Variants in NOP58 observed in about 807,000 individuals in gnomAD.
NOP58 encodes NOP58 ribonucleoprotein.
Under a neutral mutation model 71.2 loss-of-function variants are expected in NOP58, and 44 were observed. The observed-to-expected ratio is 0.62, with a 90% CI of 0.49 to 0.79. The LOEUF (loss-of-function observed/expected upper bound fraction) is 0.79, where lower values mean the gene tolerates loss of function less well. Ranked by LOEUF, NOP58 falls within the 30% of genes least tolerant of loss-of-function variation. The probability of loss-of-function intolerance (pLI) is 0.00; values close to 1 mark genes in which losing one functional copy is unlikely to be tolerated. For synonymous variants in NOP58, 228 were observed against 200.3 expected, an observed-to-expected ratio of 1.14 and a Z score of -1.17; for missense variants, 538 against 620.2, an observed-to-expected ratio of 0.87 and a Z score of 1.41.
chr2:202,295,626 C>T (rs764843491), intron 9 of NOP58, 48 bp from the exon 10 acceptor site: 2 of 1,377,896 alleles, frequency 1.5e-6, no homozygotes, highest in South Asian at 1.6e-5. Context: ...GTACGTGGAA[C>T]ATTCATATAT....
intron 10 of NOP58, 72 bp downstream of exon 10, chr2:202,295,909 T>C: frequency 8.5e-7 from 1 of 1,182,408 alleles, no homozygotes; most frequent in Non-Finnish European, 1.2e-6. Flanking sequence ...TTTCTTCTAC[T>C]CTGTAGTACA....
At chr2:202,299,607 AT>A (rs1435781489) in intron 12 of NOP58, among the ~76,000 whole-genome samples, 10 of 152,058 alleles carry the variant, frequency 6.6e-5, no homozygotes, top group Non-Finnish European at 4.4e-5. Flanking sequence ...TTTTGAACCA[AT>A]TTTTTTAATG....
At chr2:202,270,321 G>C (rs962868689) in intron 1 of NOP58, among the ~76,000 whole-genome samples, 1 of 152,172 alleles carries the variant, frequency 6.6e-6, no homozygotes, top group Non-Finnish European at 1.5e-5. Context: ...GAAGCTAACC[G>C]AAGAGCTTTT....
chr2:202,278,085 T>C (rs1329981580), intron 3 of NOP58, 83 bp downstream of exon 3: 1 of 856,606 alleles, frequency 1.2e-6, no homozygotes, highest in East Asian at 2.4e-5. Flanking sequence ...GGTTGTTTGC[T>C]TCAGTTGCCT....
Position 202,302,968 on chromosome 2 carries a change from G to A in NOP58, c.1450G>A (p.Val484Met), listed in dbSNP as rs765822521. The change falls in exon 14 of 15, where the codon GTG (valine) becomes ATG (methionine). Residue 484 changes from valine (V) to methionine (M), a missense_variant. By Grantham distance (21) the Val-to-Met change is conservative. Coordinates refer to ENST00000264279, the MANE Select transcript of NOP58 (RefSeq NM_015934.5). Reference protein sequence around the residue: ...EKVAEEEETSVKKKKKRGKKK... With the variant: ...EKVAEEEETSMKKKKKRGKKK... ...AGTGGCAGAAGAAGAAGAAACATCT[G>A]TGAAGAAGAAGAAGAAAAGGGGTAA... 2 of 1,609,582 alleles carry A rather than the reference G, an allele frequency of 1.2e-6. No individual in the cohort carries two copies. The highest frequency in any genetic ancestry group is 3.3e-5 in the Admixed American group (2 of 59,996).
intron 3 of NOP58, chr2:202,278,311 T>C: frequency 2.0e-6 from 1 of 510,460 alleles, no homozygotes; most frequent in East Asian, 5.6e-5. Flanking sequence ...CAGTAAAAGG[T>C]GTTCTACAAG....
intron 2 of NOP58, chr2:202,276,458 T>C (rs769736996): frequency 1.9e-6 from 1 of 515,224 alleles, no homozygotes. Context: ...TGTATTCTTC[T>C]TGGAACTGAA....
At chr2:202,297,756 G>C (rs1392021246) in intron 11 of NOP58, 89 bp from the exon 12 acceptor site, 1 of 841,480 alleles carries the variant, frequency 1.2e-6, no homozygotes, top group East Asian at 2.7e-5. Flanking sequence ...ATTGCTGTTT[G>C]CTGGCCCACT....
At chr2:202,275,571 T>G (rs1156723096) in intron 2 of NOP58, 1 of 158,288 alleles carries the variant, frequency 6.3e-6, no homozygotes, top group Non-Finnish European at 1.4e-5. Context: ...TGTAACCTGC[T>G]TTTTGAGTTT....
rs377762537 is a variant in NOP58, at chr2:202,265,916, G to C, written c.-26G>C. 1.2e-6 allele frequency: 2 copies of C among 1,613,926 alleles called. No homozygotes were observed. Among genetic ancestry groups the C allele is most frequent in the Non-Finnish European group, 1.7e-6 (2 of 1,179,952 alleles). On this transcript the variant is annotated 5_prime_UTR_variant, in exon 1 of 15. Coordinates refer to ENST00000264279, the MANE Select transcript of NOP58 (RefSeq NM_015934.5). ...CTGACTCTACAGCTTCTGGCAGGCCGTGCGGCGCCCTGACCCGGCCTCACC... is the reference window on the plus strand; with the variant it reads ...CTGACTCTACAGCTTCTGGCAGGCCCTGCGGCGCCCTGACCCGGCCTCACC...
intron 6 of NOP58, among the ~76,000 whole-genome samples, chr2:202,288,511 C>A (rs913516441): frequency 6.7e-6 from 1 of 149,894 alleles, no homozygotes; most frequent in African/African-American, 2.5e-5. Flanking sequence ...AAATCAAAAT[C>A]TTAATCGTTT....
At chr2:202,290,654 A>T (rs1688870926) in intron 7 of NOP58, among the ~76,000 whole-genome samples, 197 bp downstream of exon 7, 1 of 152,070 alleles carries the variant, frequency 6.6e-6, no homozygotes, top group South Asian at 2.1e-4. Flanking sequence ...GGCCTATAAC[A>T]TGATATTAGT....
chr2:202,294,901 G>A (rs961244500), intron 9 of NOP58, among the ~76,000 whole-genome samples: 2 of 151,620 alleles, frequency 1.3e-5, no homozygotes, highest in African/African-American at 4.9e-5. Context: ...GGAGGCGGAG[G>A]ATGCAGTGAG....
intron 5 of NOP58, among the ~76,000 whole-genome samples, chr2:202,284,870 G>A (rs1358604150): frequency 1.3e-5 from 2 of 151,990 alleles, no homozygotes; most frequent in Non-Finnish European, 2.9e-5. Flanking sequence ...TTATGGGATA[G>A]GTGTGTATTT....
At chr2:202,301,709 C>A (rs1162971932) in intron 13 of NOP58, among the ~76,000 whole-genome samples, 4 of 152,138 alleles carry the variant, frequency 2.6e-5, no homozygotes, top group Admixed American at 2.6e-4. Flanking sequence ...CCCATCTGCC[C>A]TCCAAAACGC....
intron 1 of NOP58, among the ~76,000 whole-genome samples, chr2:202,268,816 G>A (rs1029084300): frequency 6.6e-6 from 1 of 151,692 alleles, no homozygotes; most frequent in Non-Finnish European, 1.5e-5. Context: ...TCTCCATGTT[G>A]AGGCTGGTCT....
chr2:202,294,390 C>T (rs890939428), intron 9 of NOP58, among the ~76,000 whole-genome samples: 8 of 150,120 alleles, frequency 5.3e-5, no homozygotes, highest in African/African-American at 2.0e-4. Context: ...AAAACTATGT[C>T]TAGTGCTTAA....
At chr2:202,303,117 C>G in intron 14 of NOP58, 60 bp downstream of exon 14, 1 of 1,531,762 alleles carries the variant, frequency 6.5e-7, no homozygotes, top group Non-Finnish European at 8.8e-7. Flanking sequence ...ATATTTCAAT[C>G]TATTTTCTAT....
intron 1 of NOP58, among the ~76,000 whole-genome samples, chr2:202,270,587 C>T (rs1339638236): frequency 6.6e-6 from 1 of 151,984 alleles, no homozygotes; most frequent in African/African-American, 2.4e-5. Context: ...AGTTGCAGAC[C>T]AGCCTGGGCA....
Sources: gnomAD v4.1 joint callset for allele counts (sites outside exome capture counted in the v4.1 genomes callset) on GRCh38, gnomAD v4.1.1 for gene constraint, MANE v1.5 for transcripts, NCBI Gene and HGNC (gene_info 2026-07-23, HGNC 2026-07-21) for gene names.